Variants in DIDO1 observed in about 807,000 individuals in gnomAD.
DIDO1 encodes the protein death-inducer obliterator 1.
Under a neutral mutation model 99.4 loss-of-function variants are expected in DIDO1, and 16 were observed. The ratio of observed to expected loss-of-function variants is 0.16; its 90% CI spans 0.11 to 0.24. DIDO1 has a LOEUF of 0.24. Ranked by LOEUF, DIDO1 falls within the 10% of genes least tolerant of loss-of-function variation. DIDO1 has a pLI of 1.00. For missense variants in DIDO1, 2,996 were observed against 3,014.0 expected (o/e 0.99, Z 0.14); for synonymous variants, 1,366 against 1,239.1 (o/e 1.10, Z -2.15).
At chr20:62,909,624 G>A (rs1318372610) in intron 4 of DIDO1, 75 bp downstream of exon 4, 1 of 1,559,370 alleles carries the variant, frequency 6.4e-7, no homozygotes, top group Non-Finnish European at 8.7e-7. Context: ...GTCCTGGGAG[G>A]AATTTCTATC....
intron 1 of DIDO1, among the ~76,000 whole-genome samples, chr20:62,924,541 G>T (rs752598166): frequency 6.6e-6 from 1 of 152,180 alleles, no homozygotes; most frequent in Non-Finnish European, 1.5e-5. Context: ...ATGACCCTAA[G>T]GCTGTAGAAA....
In DIDO1 at chr20:62,911,315, T is replaced by C; in HGVS notation, c.298A>G (p.Thr100Ala). The change falls in exon 3 of 16, where the codon ACG (threonine) becomes GCG (alanine). Residue 100 changes from threonine (T) to alanine (A), a missense_variant. Thr to Ala is a moderately conservative substitution (Grantham distance 58, BLOSUM62 0). Transcript: ENST00000395343. The surrounding 1 kb of genome is among the most constrained non-coding windows in gnomAD (Gnocchi z 7.0). ...TCGGCGTCTGTGGCGGGGCAGGACG[T>C]GGGCTCACCAGAATCCTCCAGGGAG... ...PVSLEDSGEP[T>A]SCPATDAETA... 1 of 1,608,576 alleles carries C rather than the reference T, an allele frequency of 6.2e-7. No individual in the cohort carries two copies. The highest frequency in any genetic ancestry group is 8.5e-7 in the Non-Finnish European group (1 of 1,179,908).
intron 6 of DIDO1, among the ~76,000 whole-genome samples, chr20:62,902,586 C>T (rs971069603): frequency 2.0e-5 from 3 of 152,176 alleles, no homozygotes; most frequent in Admixed American, 6.5e-5. Flanking sequence ...TTAATGAAAA[C>T]TGAGACTGGG....
rs1382021919 is a variant in DIDO1 at position 62,896,534 on chromosome 20, T to C, written c.2051A>G (p.Lys684Arg). Residue 684 changes from lysine (K) to arginine (R), a missense_variant, in exon 7 of 16, where the codon AAA becomes AGA. This residue lies in a region of DIDO1 where 898 missense variants were observed against 972.7 expected (regional missense o/e 0.92). Coordinates refer to ENST00000395343, the MANE Select transcript of DIDO1 (RefSeq NM_001193369.2). The surrounding 1 kb of genome is among the most constrained non-coding windows in gnomAD (Gnocchi z 4.4). ...GAAATCAAGCAGAACAGCCCACCTT[T>C]TCCACAAAATCTCTTTTAAGGAGCG... ...IRRSLKEILW[K>R]RVNDSDDLIM... 6.3e-7 allele frequency: 1 copy of C among 1,583,574 alleles called. No individual in the cohort carries two copies. Among genetic ancestry groups the C allele is most frequent in the Non-Finnish European group, 8.6e-7 (1 of 1,166,278 alleles).
intron 1 of DIDO1, among the ~76,000 whole-genome samples, chr20:62,924,884 G>GA: frequency 6.6e-6 from 1 of 152,278 alleles, no homozygotes; most frequent in African/African-American, 2.4e-5. Context: ...TGGAAAGCCT[G>GA]AAAAAATTCA....
At chr20:62,929,693 G>GCATA (rs1555853760), upstream of DIDO1, among the ~76,000 whole-genome samples, 143 of 97,980 alleles carry the variant, frequency 1.5e-3, 9 homozygotes, top group Middle Eastern at 5.7e-3. Context: ...AAAAGAAAAA[G>GCATA]TGTATATATA....
rs138029097 is a variant in DIDO1, at chr20:62,910,841, T to C, written c.772A>G (p.Lys258Glu). The C allele has an allele frequency of 1.2e-6, 2 of 1,614,170 alleles. No homozygotes were observed. Among genetic ancestry groups the C allele is most frequent in the Non-Finnish European group, 1.7e-6 (2 of 1,180,034 alleles). ...DEEPGDLGRPKPECEGYDPNA... is the reference protein window; with the variant it reads ...DEEPGDLGRPEPECEGYDPNA... ...GGGTCGTAACCCTCACATTCAGGCT[T>C]CGGTCGGCCCAAGTCTCCAGGCTCC... The change falls in exon 3 of 16, where the codon AAG becomes GAG. Residue 258 changes from lysine (K) to glutamate (E), a missense_variant. Coordinates refer to ENST00000395343, the MANE Select transcript of DIDO1 (RefSeq NM_001193369.2).
chr20:62,882,915 CTTTTTTTTTTTT>C (rs10583836), intron 15 of DIDO1, among the ~76,000 whole-genome samples: 4 of 81,382 alleles, frequency 4.9e-5, no homozygotes, highest in East Asian at 3.9e-4. Context: ...AACAAACAGC[CTTTTTTTTTTTT>C]TTTTTTTTTT....
chr20:62,933,370 C>G (rs1468121092), intron 1 of DIDO1, among the ~76,000 whole-genome samples: 3 of 152,208 alleles, frequency 2.0e-5, no homozygotes, highest in Non-Finnish European at 4.4e-5. Flanking sequence ...GCTAACCATT[C>G]TAAGCATCAA....
Position 62,896,872 on chromosome 20 carries a change from A to C in DIDO1, c.1713T>G (p.Ser571=), listed in dbSNP as rs138094923. The change falls in exon 7 of 16, where the codon TCT becomes TCG. Residue 571 remains serine, a synonymous_variant. Coordinates refer to ENST00000395343, the MANE Select transcript of DIDO1 (RefSeq NM_001193369.2). The surrounding 1 kb of genome is among the most constrained non-coding windows in gnomAD (Gnocchi z 4.4). The stretch of plus-strand genomic sequence containing the variant: ...TGGCTGCTGCCACATTAGCAAAAGA[A>C]GACTTCTTTGGCACGAGGTTTCTAG... The part of the protein sequence containing the change: ...PAPRNLVPKK[S]SFANVAAATP... 148 of 1,614,042 alleles carry C rather than the reference A, an allele frequency of 9.2e-5. No homozygotes were observed. The highest frequency in any genetic ancestry group is 1.1e-4 in the Non-Finnish European group (134 of 1,180,044).
At chr20:62,895,780 G>GC (rs1222938474) in intron 8 of DIDO1, among the ~76,000 whole-genome samples, 1 of 152,154 alleles carries the variant, frequency 6.6e-6, no homozygotes, top group African/African-American at 2.4e-5. Flanking sequence ...AGCAGCCCCT[G>GC]CTCCAAGTGG....
At chr20:62,905,768 C>T in intron 6 of DIDO1, 119 bp downstream of exon 6, 1 of 1,609,300 alleles carries the variant, frequency 6.2e-7, no homozygotes, top group Non-Finnish European at 8.5e-7. Context: ...GATGGTGCAG[C>T]CGGTGTCTGT....
chr20:62,894,709 TGCTGTAA>T lies in DIDO1; in HGVS notation c.2436+94_2436+100del. ...GAGGAATGCCACAATGACATACACCTGCTGTAAGCTCAGGTCCTGCCCAATAATTTAA... is the reference window on the plus strand; with the variant it reads ...GAGGAATGCCACAATGACATACACCTGCTCAGGTCCTGCCCAATAATTTAA... On this transcript the variant is annotated intron_variant, in intron 10 of 15. Transcript: ENST00000395343. The surrounding 1 kb of genome is among the most constrained non-coding windows in gnomAD (Gnocchi z 4.4). The T allele has an allele frequency of 7.1e-7, 1 of 1,416,088 alleles. No individual in the cohort carries two copies. Among genetic ancestry groups the T allele is most frequent in the East Asian group, 2.3e-5 (1 of 42,962 alleles). The allele number at this position is 1,416,088 out of a possible 1,614,324, so 87.7% of individuals were successfully genotyped here.
intron 1 of DIDO1, among the ~76,000 whole-genome samples, chr20:62,936,140 T>C (rs948912642): frequency 2.0e-5 from 3 of 152,310 alleles, no homozygotes; most frequent in Admixed American, 1.3e-4. Flanking sequence ...AGGCTGGGCA[T>C]GGTGGCTGAC....
In DIDO1 at chr20:62,912,069, G is replaced by T. The variant is rs2064956372; in HGVS notation, c.-2-455C>A. Among the ~76,000 whole-genome samples, 3 of 152,352 alleles carry T rather than the reference G, an allele frequency of 2.0e-5. No homozygotes were observed. The South Asian group carries it at 6.2e-4, about 32-fold the overall frequency. ...GCACAGTGAACAAGACGCTGTGCCA[G>T]TTTGGGTGTGGCCTGCAAAGGGACC... On this transcript the variant is annotated intron_variant, in intron 2 of 15. Transcript: ENST00000395343.
At chr20:62,883,109 A>G (rs1467640682) in intron 15 of DIDO1, among the ~76,000 whole-genome samples, 2 of 151,650 alleles carry the variant, frequency 1.3e-5, no homozygotes, top group African/African-American at 4.8e-5. Context: ...TTTTTAGTAG[A>G]TAAGAGGTTT....
chr20:62,893,783 C>T lies in DIDO1; in HGVS notation c.2984G>A (p.Arg995Lys), dbSNP rs1477053046. Residue 995 changes from arginine to lysine, a missense_variant, in exon 12 of 16, where the codon AGA becomes AAA. Arg to Lys is a conservative substitution (Grantham distance 26). Coordinates refer to ENST00000395343, the MANE Select transcript of DIDO1 (RefSeq NM_001193369.2). ...CAAGACAGGCTTCGGCACATCCTGTCTGGCTTCCACCATGTGGGTGCTGTC... is the reference window on the plus strand; with the variant it reads ...CAAGACAGGCTTCGGCACATCCTGTTTGGCTTCCACCATGTGGGTGCTGTC... ...RPDSTHMVEA[R>K]QDVPKPVLTS... The T allele has an allele frequency of 1.2e-6, 2 of 1,614,080 alleles. No individual in the cohort carries two copies. Among genetic ancestry groups the T allele is most frequent in the African/African-American group, 2.7e-5 (2 of 74,942 alleles).
At chr20:62,916,867 C>CAAGGAA (rs2147534776) in intron 1 of DIDO1, among the ~76,000 whole-genome samples, 1 of 152,288 alleles carries the variant, frequency 6.6e-6, no homozygotes, top group Admixed American at 6.5e-5. Flanking sequence ...CAGCCTTTGT[C>CAAGGAA]AAGGAACTTC....
At chr20:62,888,329 TC>T (rs2064330335) in intron 15 of DIDO1, 2 of 985,436 alleles carry the variant, frequency 2.0e-6, no homozygotes, top group Non-Finnish European at 2.4e-6. Context: ...CTCCTTAACA[TC>T]CCCAGGGGAA....
Sources: allele counts gnomAD v4.1 joint callset (sites outside exome capture counted in the v4.1 genomes callset), GRCh38; gene constraint gnomAD v4.1.1; regional missense constraint gnomAD v4.1.1; non-coding constraint Gnocchi (gnomAD v3.1); transcripts MANE v1.5; gene names NCBI Gene and HGNC (gene_info 2026-07-23, HGNC 2026-07-21).